Variants in PCDHGA3 observed in about 807,000 individuals in gnomAD.
The protein encoded by PCDHGA3 is protocadherin gamma-A3.
A neutral mutation model predicts 58.5 loss-of-function variants in PCDHGA3; 40 were observed. That is an observed-to-expected ratio of 0.68 (90% CI 0.53 to 0.89). The LOEUF (loss-of-function observed/expected upper bound fraction) is 0.89, where lower values mean the gene tolerates loss of function less well. PCDHGA3 is among the 40% of genes least tolerant of loss of function. The pLI is 0.00. For synonymous variants in PCDHGA3, 530 were observed against 525.7 expected (o/e 1.01, Z -0.11); for missense variants, 1,223 against 1,195.9 (o/e 1.02, Z -0.33).
At position 141,487,603 on chromosome 5, in the gene PCDHGA3, C is replaced by T; in HGVS notation, c.2425-7204C>T. The stretch of plus-strand genomic sequence containing the variant: ...CAAGCTGCCCACCCTCTGATCTTCT[C>T]TATGGGCTAGAGGTGAGACCTTTGC... On this transcript the variant is annotated intron_variant, in intron 1 of 3. Transcript: ENST00000253812. This position sits in a 1 kb window ranked among gnomAD's most constrained non-coding sequence, Gnocchi z 5.0. 1.2e-6 allele frequency: 2 copies of T among 1,614,214 alleles called. No individual in the cohort carries two copies. Among genetic ancestry groups the T allele is most frequent in the Non-Finnish European group, 1.7e-6 (2 of 1,180,042 alleles).
At chr5:141,407,415 A>C (rs1561707597) in intron 1 of PCDHGA3, among the ~76,000 whole-genome samples, 1 of 152,228 alleles carries the variant, frequency 6.6e-6, no homozygotes, top group Non-Finnish European at 1.5e-5. Flanking sequence ...TCGATACCAC[A>C]AAAATGTCTC....
chr5:141,471,631 G>A (rs573080972), intron 1 of PCDHGA3: 7 of 152,188 alleles, frequency 4.6e-5, no homozygotes, highest in African/African-American at 9.6e-5. Flanking sequence ...CATTGGTATG[G>A]ATTAGTAATA....
chr5:141,351,046 G>A (rs922791130), intron 1 of PCDHGA3: 3 of 1,613,934 alleles, frequency 1.9e-6, no homozygotes, highest in South Asian at 2.2e-5. Flanking sequence ...TGCGGGTGAT[G>A]GCCACAGACC....
At chr5:141,387,838 A>AG (rs2091116111) in intron 1 of PCDHGA3, 1 of 1,598,608 alleles carries the variant, frequency 6.3e-7, no homozygotes, top group African/African-American at 1.3e-5. Flanking sequence ...GGTTATTTGT[A>AG]ACCCGGCGTC....
intron 1 of PCDHGA3, chr5:141,351,263 G>C (rs777132958): frequency 9.3e-6 from 15 of 1,613,968 alleles, no homozygotes; most frequent in Non-Finnish European, 1.3e-5. Flanking sequence ...AGAAATTGTT[G>C]ACGAGAATGA....
chr5:141,379,889 C>CTTTTTGTTTTTTTTTTTTT (rs1775944261), intron 1 of PCDHGA3, among the ~76,000 whole-genome samples: 1 of 50,830 alleles, frequency 2.0e-5, no homozygotes, highest in Non-Finnish European at 3.9e-5. Flanking sequence ...GTGAAAGCCT[C>CTTTTTGTTTTTTTTTTTTT]TTTTTTTTTT....
At chr5:141,369,230 G>A (rs1003711294) in intron 1 of PCDHGA3, among the ~76,000 whole-genome samples, 4 of 152,068 alleles carry the variant, frequency 2.6e-5, no homozygotes, top group Non-Finnish European at 4.4e-5. Flanking sequence ...TGGACAGGAA[G>A]ATTACTTATA....
At chr5:141,480,497 A>G (rs909585240) in intron 1 of PCDHGA3, among the ~76,000 whole-genome samples, 6 of 152,236 alleles carry the variant, frequency 3.9e-5, no homozygotes, top group Non-Finnish European at 8.8e-5. Flanking sequence ...CCTTAGAAAT[A>G]CACATATGAG....
At position 141,420,439 on chromosome 5, in the gene PCDHGA3, C is replaced by T. The variant is rs2096496531; in HGVS notation, c.2424+73982C>T. ...TTAAAACAAAAGTTTAAATTAAATGCCTCAGTCTTCCTACTATTCAAAGAC... is the reference window on the plus strand; with the variant it reads ...TTAAAACAAAAGTTTAAATTAAATGTCTCAGTCTTCCTACTATTCAAAGAC... On this transcript the variant is annotated intron_variant, in intron 1 of 3. Coordinates refer to ENST00000253812, the MANE Select transcript of PCDHGA3 (RefSeq NM_018916.4). 10 of 1,073,160 alleles carry T rather than the reference C, an allele frequency of 9.3e-6. No individual in the cohort carries two copies. In the South Asian group the frequency reaches 2.0e-4, roughly 22 times the overall value. The allele number at this position is 1,073,160 out of a possible 1,614,324, so 66.5% of individuals were successfully genotyped here.
chr5:141,352,298 C>G, intron 1 of PCDHGA3: 2 of 1,614,072 alleles, frequency 1.2e-6, no homozygotes, highest in East Asian at 2.2e-5. Flanking sequence ...GCCCTCTGAC[C>G]CCCAGACGGA....
chr5:141,472,878 C>G (rs774209715), intron 1 of PCDHGA3, among the ~76,000 whole-genome samples: 1 of 146,132 alleles, frequency 6.8e-6, no homozygotes, highest in East Asian at 2.1e-4. Context: ...CCCAGCTACT[C>G]GGGAGGCTGA....
rs1284989963 is a variant in PCDHGA3 at position 141,419,134 on chromosome 5, A to T, written c.2424+72677A>T. On this transcript the variant is annotated intron_variant, in intron 1 of 3. Transcript: ENST00000253812. ...AGTACAACGTCACCATCGCAGCCAC[A>T]GACAGGGGCAAGCCTCCGTTATCCT... is the stretch of plus-strand genomic sequence containing the variant. 2.5e-6 allele frequency: 4 copies of T among 1,613,826 alleles called. No individual in the cohort carries two copies. In the African/African-American group the frequency reaches 5.3e-5, roughly 22 times the overall value.
At chr5:141,399,048 G>C (rs779434482) in intron 1 of PCDHGA3, 7 of 1,613,830 alleles carry the variant, frequency 4.3e-6, no homozygotes, top group Non-Finnish European at 5.1e-6. Flanking sequence ...ATTTTGAAGA[G>C]ACCAAGGAAT....
At chr5:141,416,501 T>C (rs1164504285) in intron 1 of PCDHGA3, 6 of 152,148 alleles carry the variant, frequency 3.9e-5, no homozygotes, top group Non-Finnish European at 7.4e-5. Context: ...AAGAGATATA[T>C]GACAAAGCTA....
chr5:141,454,779 A>G (rs1387404898), intron 1 of PCDHGA3, among the ~76,000 whole-genome samples: 2 of 146,092 alleles, frequency 1.4e-5, no homozygotes, highest in African/African-American at 2.6e-5. Context: ...ACAAGGAAAT[A>G]ATCCTCCATG....
At chr5:141,451,018 C>T (rs1307161489) in intron 1 of PCDHGA3, among the ~76,000 whole-genome samples, 7 of 151,264 alleles carry the variant, frequency 4.6e-5, no homozygotes, top group African/African-American at 1.5e-4. Flanking sequence ...TTAGTAGAGA[C>T]GAGGTTTCAC....
chr5:141,496,554 G>T (rs2099769470), intron 2 of PCDHGA3, among the ~76,000 whole-genome samples: 1 of 152,160 alleles, frequency 6.6e-6, no homozygotes, highest in Non-Finnish European at 1.5e-5. Context: ...TTCTGGGCAT[G>T]CACAGTCCTG....
At chr5:141,440,982 A>G (rs940098060) in intron 1 of PCDHGA3, 4 of 152,234 alleles carry the variant, frequency 2.6e-5, no homozygotes, top group Non-Finnish European at 5.9e-5. Context: ...TTCACAACCC[A>G]GAGTACCCAT....
chr5:141,362,241 C>T (rs557427510), intron 1 of PCDHGA3: 1 of 1,614,050 alleles, frequency 6.2e-7, no homozygotes, highest in African/African-American at 1.3e-5. Context: ...TCTCAGTGCT[C>T]TTCTTCCTCG....
Sources: allele counts gnomAD v4.1 joint callset (sites outside exome capture counted in the v4.1 genomes callset), GRCh38; gene constraint gnomAD v4.1.1; non-coding constraint Gnocchi (gnomAD v3.1); transcripts MANE v1.5; gene names NCBI Gene and HGNC (gene_info 2026-07-23, HGNC 2026-07-21).